TRIM33: variants seen among roughly 807,000 people sequenced by gnomAD.
TRIM33 encodes the protein E3 ubiquitin-protein ligase TRIM33.
TRIM33 carries 20 observed loss-of-function variants against 125.4 expected under a neutral mutation model. The ratio of observed to expected loss-of-function variants is 0.16; its 90% CI spans 0.11 to 0.23. TRIM33 has a LOEUF of 0.23. TRIM33 is among the 10% of genes least tolerant of loss of function. The pLI, the probability that TRIM33 is intolerant of heterozygous loss-of-function variation, is 1.00. For missense variants in TRIM33, 920 were observed against 1,411.4 expected (o/e 0.65, Z 5.58); for synonymous variants, 564 against 513.9 (o/e 1.10, Z -1.32).
intron 4 of TRIM33, among the ~76,000 whole-genome samples, chr1:114,441,469 T>TA (rs2101242492): frequency 6.6e-6 from 1 of 152,290 alleles, no homozygotes; most frequent in Admixed American, 6.5e-5. Flanking sequence ...GGTGATGTGA[T>TA]AGAGAGGACG....
chr1:114,417,343 T>C (rs1407169552), intron 11 of TRIM33, among the ~76,000 whole-genome samples: 1 of 152,232 alleles, frequency 6.6e-6, no homozygotes, highest in Non-Finnish European at 1.5e-5. Context: ...TCTCATGGTA[T>C]ATGAATTGTA....
intron 11 of TRIM33, among the ~76,000 whole-genome samples, chr1:114,415,172 T>C (rs1192863212): frequency 2.6e-5 from 4 of 151,778 alleles, no homozygotes; most frequent in South Asian, 2.1e-4. Flanking sequence ...TTTTTAATTG[T>C]TTTTGTAGAG....
chr1:114,478,179 T>C (rs76033008), intron 1 of TRIM33, among the ~76,000 whole-genome samples: 1,710 of 152,314 alleles, frequency 0.011, 38 homozygotes, highest in African/African-American at 0.039. Flanking sequence ...ACTGGCCCTC[T>C]TGCTTGAGGA....
chr1:114,422,443 TG>T (rs1187347228), intron 10 of TRIM33, among the ~76,000 whole-genome samples: 1 of 151,864 alleles, frequency 6.6e-6, no homozygotes, highest in African/African-American at 2.4e-5. Context: ...GTGAAAAGTG[TG>T]AAGGAAATAA....
At chr1:114,407,701 G>GT (rs1652335297) in intron 13 of TRIM33, among the ~76,000 whole-genome samples, 1 of 152,096 alleles carries the variant, frequency 6.6e-6, no homozygotes, top group African/African-American at 2.4e-5. Context: ...ACATACAGAC[G>GT]TAACATATAT....
chr1:114,470,097 C>G (rs1232517951), intron 1 of TRIM33, among the ~76,000 whole-genome samples: 2 of 152,138 alleles, frequency 1.3e-5, no homozygotes, highest in African/African-American at 4.8e-5. Flanking sequence ...TTATAATAAA[C>G]TAAGTATAAC....
At position 114,423,481 on chromosome 1, in the gene TRIM33, C is replaced by G. The variant is rs1020225579; in HGVS notation, c.1860+1110G>C. 3.3e-5 allele frequency among the ~76,000 whole-genome samples: 5 copies of G among 151,852 alleles called. No homozygotes were observed. In the South Asian group the frequency reaches 1.0e-3, roughly 32 times the overall value. On this transcript the variant is annotated intron_variant, in intron 10 of 19. Transcript: ENST00000358465. ...ATTTACAATATGCTATAAAGTACAGCTTTTGAAACTATTTAAACTTAAACC... is the reference window on the plus strand; with the variant it reads ...ATTTACAATATGCTATAAAGTACAGGTTTTGAAACTATTTAAACTTAAACC...
chr1:114,493,879 T>G (rs1007816055), intron 1 of TRIM33, among the ~76,000 whole-genome samples: 10 of 152,210 alleles, frequency 6.6e-5, no homozygotes, highest in African/African-American at 1.4e-4. Context: ...CAGGCTGGAG[T>G]GCAGTGGCAC....
intron 11 of TRIM33, among the ~76,000 whole-genome samples, chr1:114,411,963 C>A (rs1009835445): frequency 5.9e-5 from 9 of 151,978 alleles, no homozygotes; most frequent in African/African-American, 1.9e-4. Flanking sequence ...AAAGTAAAAA[C>A]ACAGTCCAAT....
intron 6 of TRIM33, among the ~76,000 whole-genome samples, chr1:114,429,132 A>G (rs1289595613): frequency 6.6e-6 from 1 of 152,076 alleles, no homozygotes; most frequent in Non-Finnish European, 1.5e-5. Flanking sequence ...GTTAAATGCA[A>G]CAGACTGGTG....
chr1:114,436,400 C>CAAA (rs765728045), intron 4 of TRIM33, among the ~76,000 whole-genome samples: 25 of 40,824 alleles, frequency 6.1e-4, no homozygotes, highest in Non-Finnish European at 8.2e-4. Flanking sequence ...GACTCTGTCT[C>CAAA]AAAAAAAAAA....
Position 114,511,142 on chromosome 1 carries a change from C to CCGCCGCCGT in TRIM33, c.-67_-66insACGGCGGCG. The CCGCCGCCGT allele has an allele frequency of 9.3e-7, 1 of 1,073,938 alleles. No homozygotes were observed. The highest frequency in any genetic ancestry group is 1.1e-6 in the Non-Finnish European group (1 of 888,488). 66.5% of individuals were successfully genotyped at this position (1,073,938 alleles called of 1,614,324 possible). A position where few individuals can be genotyped will look rare whatever the true frequency, so the allele number is the denominator to read the frequency against. On this transcript the variant is annotated 5_prime_UTR_variant, in exon 1 of 20. Coordinates refer to ENST00000358465, the MANE Select transcript of TRIM33 (RefSeq NM_015906.4). The stretch of plus-strand genomic sequence containing the variant: ...GCCGCCCGCGTCGCCGCCGCCGCCG[C>CCGCCGCCGT]CCCCAGCCCCAGCCGCAGCCGCAGC...
chr1:114,410,948 T>C (rs947379731), intron 11 of TRIM33, among the ~76,000 whole-genome samples: 3 of 152,196 alleles, frequency 2.0e-5, no homozygotes, highest in Non-Finnish European at 4.4e-5. Flanking sequence ...GATGATTAAA[T>C]GACAAAATGT....
chr1:114,404,705 G>A (rs1652119746), intron 15 of TRIM33: 1 of 151,410 alleles, frequency 6.6e-6, no homozygotes, highest in African/African-American at 2.4e-5. Flanking sequence ...TTCTGGCACT[G>A]TTTAAATATC....
intron 5 of TRIM33, among the ~76,000 whole-genome samples, chr1:114,431,953 T>TA (rs1221303231): frequency 6.6e-6 from 1 of 152,150 alleles, no homozygotes; most frequent in Non-Finnish European, 1.5e-5. Flanking sequence ...AGAGAGTAGT[T>TA]AGAGAGTAGT....
chr1:114,493,668 T>A (rs918840909), intron 1 of TRIM33, among the ~76,000 whole-genome samples: 5 of 151,566 alleles, frequency 3.3e-5, no homozygotes, highest in African/African-American at 1.2e-4. Flanking sequence ...AATCCAGTTG[T>A]ACCAACATCC....
intron 11 of TRIM33, among the ~76,000 whole-genome samples, chr1:114,420,950 T>A (rs913629052): frequency 6.6e-6 from 1 of 152,182 alleles, no homozygotes; most frequent in Non-Finnish European, 1.5e-5. Context: ...TTATCCACAA[T>A]AGCCAAGATA....
intron 4 of TRIM33, among the ~76,000 whole-genome samples, chr1:114,447,634 C>T (rs6668327): frequency 0.35 from 53,059 of 151,936 alleles, 9,954 homozygotes; most frequent in African/African-American, 0.46. Context: ...TAAGACTATA[C>T]GTATAGATAA....
chr1:114,443,108 G>A (rs973837590), intron 4 of TRIM33, among the ~76,000 whole-genome samples: 3 of 150,154 alleles, frequency 2.0e-5, no homozygotes, highest in African/African-American at 7.4e-5. Flanking sequence ...TGGGGGCCAG[G>A]TGCGGTGGCT....
Sources: gnomAD v4.1 joint callset for allele counts (sites outside exome capture counted in the v4.1 genomes callset) on GRCh38, gnomAD v4.1.1 for gene constraint, MANE v1.5 for transcripts, NCBI Gene and HGNC (gene_info 2026-07-23, HGNC 2026-07-21) for gene names.